RNF128: variants seen among roughly 807,000 people sequenced by gnomAD.
RNF128 encodes the protein ring finger protein 128.
RNF128 carries 13 observed loss-of-function variants against 26.2 expected under a neutral mutation model. The observed-to-expected ratio is 0.50, with a 90% CI of 0.32 to 0.79. RNF128 has a LOEUF of 0.79. Ranked by LOEUF, RNF128 falls within the 30% of genes least tolerant of loss-of-function variation. The probability of loss-of-function intolerance (pLI) is 0.03; values close to 1 mark genes in which losing one functional copy is unlikely to be tolerated. For synonymous variants in RNF128, 149 were observed against 142.5 expected (o/e 1.05, Z -0.32); for missense variants, 315 against 349.7 (o/e 0.90, Z 0.79).
intron 1 of RNF128, among the ~76,000 whole-genome samples, chrX:106,720,715 A>C (rs1202207080): frequency 1.8e-5 from 2 of 111,723 alleles, no homozygotes; most frequent in Non-Finnish European, 3.8e-5. Flanking sequence ...TGTGAATTCC[A>C]ACCCCACCAC....
rs750961717 is a variant in RNF128, at chrX:106,776,774, G to A, written c.732+3614G>A. Reference sequence around the variant, plus strand: ...TGATCTCTGACTGATCTGGACCAAAGGATGGGCCAAAATAAGGCTAGTAGG... The same window carrying A: ...TGATCTCTGACTGATCTGGACCAAAAGATGGGCCAAAATAAGGCTAGTAGG... On this transcript the variant is annotated intron_variant, in intron 2 of 6. Coordinates refer to ENST00000255499, the MANE Select transcript of RNF128 (RefSeq NM_194463.2). 3.6e-5 allele frequency among the ~76,000 whole-genome samples: 4 copies of A among 111,232 alleles called. No individual in the cohort carries two copies. The East Asian group carries it at 1.1e-3, about 31-fold the overall frequency.
At chrX:106,731,219 A>G (rs1331294184) in intron 1 of RNF128, among the ~76,000 whole-genome samples, 1 of 112,258 alleles carries the variant, frequency 8.9e-6, no homozygotes, top group East Asian at 2.8e-4. Context: ...AGAGTACTTC[A>G]AAGTCCACAT....
chrX:106,774,129 G>A (rs1249718487), intron 2 of RNF128, among the ~76,000 whole-genome samples: 1 of 111,281 alleles, frequency 9.0e-6, no homozygotes, highest in African/African-American at 3.3e-5. Flanking sequence ...ATCACACTAT[G>A]TTTTCTTGGC....
intron 1 of RNF128, among the ~76,000 whole-genome samples, chrX:106,705,642 C>A (rs1444111262): frequency 2.7e-5 from 3 of 111,618 alleles, no homozygotes; most frequent in Non-Finnish European, 3.8e-5. Flanking sequence ...CAGCATGGAC[C>A]GAATAACCAT....
At chrX:106,770,125 G>T (rs1930343695) in intron 1 of RNF128, among the ~76,000 whole-genome samples, 1 of 112,141 alleles carries the variant, frequency 8.9e-6, no homozygotes, top group Non-Finnish European at 1.9e-5. Flanking sequence ...CTGTTAGTCT[G>T]ATGGGCTTCC....
chrX:106,761,041 C>T (rs1056706862), intron 1 of RNF128, among the ~76,000 whole-genome samples: 9 of 111,776 alleles, frequency 8.1e-5, no homozygotes, highest in African/African-American at 2.9e-4. Context: ...GGTCTGATAT[C>T]CGAAATCTTT....
intron 1 of RNF128, among the ~76,000 whole-genome samples, chrX:106,738,558 C>G (rs977359059): frequency 4.5e-5 from 5 of 111,783 alleles, no homozygotes; most frequent in African/African-American, 1.6e-4. Flanking sequence ...TTCCTTCTCC[C>G]TGGTGTATTT....
chrX:106,694,667 T>C (rs1220952370), intron 1 of RNF128, among the ~76,000 whole-genome samples: 1 of 111,607 alleles, frequency 9.0e-6, no homozygotes, highest in Non-Finnish European at 1.9e-5. Flanking sequence ...CAGTGGGCAT[T>C]ATATCGTGAG....
chrX:106,751,044 C>A (rs1207563953), intron 1 of RNF128, among the ~76,000 whole-genome samples: 1 of 111,453 alleles, frequency 9.0e-6, no homozygotes, highest in African/African-American at 3.3e-5. Flanking sequence ...ATAAAACCCA[C>A]CAGTGATCAT....
chrX:106,791,110 CA>C lies in RNF128; in HGVS notation c.1031del (p.Asn344MetfsTer48). 1 of 1,207,120 alleles carries C rather than the reference CA, an allele frequency of 8.3e-7. No individual in the cohort carries two copies. The highest frequency in any genetic ancestry group is 1.8e-5 in the South Asian group (1 of 56,628). ...CAGTGTCTTTACAAGTCCCTGTATC[CA>C]ATGAAATATCTAATAGTGCCTCCTC... ...GSVSLQVPVS[N>X]EISNSASSHE... On this transcript the variant is annotated frameshift_variant, in exon 6 of 7. Coordinates refer to ENST00000255499, the MANE Select transcript of RNF128 (RefSeq NM_194463.2). LOFTEE classifies it high-confidence loss of function.
intron 1 of RNF128, among the ~76,000 whole-genome samples, chrX:106,710,673 C>T (rs1230208375): frequency 1.0e-5 from 1 of 99,849 alleles, no homozygotes; most frequent in Non-Finnish European, 2.0e-5. Flanking sequence ...AGGAGAATTG[C>T]TTGAACCCAG....
chrX:106,713,895 GC>G (rs1929169743), intron 1 of RNF128, among the ~76,000 whole-genome samples: 1 of 111,647 alleles, frequency 9.0e-6, no homozygotes, highest in South Asian at 3.8e-4. Context: ...CTATAGCAAG[GC>G]CGGGCGCGGT....
chrX:106,705,721 A>G (rs1239022031), intron 1 of RNF128, among the ~76,000 whole-genome samples: 1 of 112,093 alleles, frequency 8.9e-6, no homozygotes, highest in African/African-American at 3.2e-5. Flanking sequence ...CTAAATGCTC[A>G]GTTAACTTAT....
intron 1 of RNF128, among the ~76,000 whole-genome samples, chrX:106,760,484 A>G (rs1376743855): frequency 8.9e-6 from 1 of 112,131 alleles, no homozygotes. Flanking sequence ...ACAAAAAACA[A>G]ACAAATACTG....
intron 1 of RNF128, among the ~76,000 whole-genome samples, chrX:106,721,235 G>T (rs1308589019): frequency 9.0e-6 from 1 of 111,717 alleles, no homozygotes; most frequent in Non-Finnish European, 1.9e-5. Context: ...GTCATCCCTT[G>T]TCTACACATT....
At chrX:106,694,356 G>C in exon 1 of RNF128, 1 of 1,206,801 alleles carries the variant, frequency 8.3e-7, no homozygotes, top group Non-Finnish European at 1.1e-6. Context: ...ATGCTGTTGT[G>C]ATTTACAATG....
At chrX:106,733,558 G>A (rs1237297838) in intron 1 of RNF128, among the ~76,000 whole-genome samples, 2 of 111,181 alleles carry the variant, frequency 1.8e-5, no homozygotes, top group East Asian at 5.6e-4. Context: ...CTTGATTTCT[G>A]TACATAGGCA....
intron 2 of RNF128, among the ~76,000 whole-genome samples, chrX:106,784,296 C>G (rs1366545397): frequency 9.0e-6 from 1 of 111,155 alleles, no homozygotes; most frequent in Non-Finnish European, 1.9e-5. Flanking sequence ...ACTGTATAGA[C>G]TCTCTTTATA....
chrX:106,736,744 A>G (rs1929605209), intron 1 of RNF128, among the ~76,000 whole-genome samples: 1 of 112,092 alleles, frequency 8.9e-6, no homozygotes, highest in Non-Finnish European at 1.9e-5. Context: ...GAAAAGTTTT[A>G]TTACAAATAT....
Sources: allele counts gnomAD v4.1 joint callset (sites outside exome capture counted in the v4.1 genomes callset), GRCh38; gene constraint gnomAD v4.1.1; transcripts MANE v1.5; gene names NCBI Gene and HGNC (gene_info 2026-07-23, HGNC 2026-07-21).